Variants in ULK4 observed in about 807,000 individuals in gnomAD.
The protein encoded by ULK4 is unc-51 like kinase 4.
ULK4 carries 133 observed loss-of-function variants against 160.6 expected under a neutral mutation model. The ratio of observed to expected loss-of-function variants is 0.83; its 90% confidence interval spans 0.72 to 0.96. The LOEUF (loss-of-function observed/expected upper bound fraction) is 0.96, where lower values mean the gene tolerates loss of function less well. ULK4 is among the 40% of genes least tolerant of loss of function. The pLI, the probability that ULK4 is intolerant of heterozygous loss-of-function variation, is 0.00. For synonymous variants in ULK4, 534 were observed against 539.8 expected, an observed-to-expected ratio of 0.99 and a Z score of 0.15; for missense variants, 1,580 against 1,499.5, an observed-to-expected ratio of 1.05 and a Z score of -0.89.
intron 30 of ULK4, among the ~76,000 whole-genome samples, chr3:41,627,716 C>G (rs954891271): frequency 2.0e-5 from 3 of 152,108 alleles, no homozygotes; most frequent in African/African-American, 7.3e-5. Context: ...AACAGATATA[C>G]AAACAAATAT....
intron 17 of ULK4, among the ~76,000 whole-genome samples, chr3:41,858,669 G>A (rs1336537275): frequency 7.9e-6 from 1 of 126,984 alleles, no homozygotes; most frequent in Non-Finnish European, 1.6e-5. Flanking sequence ...ATTTTTGTGT[G>A]ATTTTTTTTT....
In ULK4 at chr3:41,602,515, C is replaced by T. The variant is rs532152874; in HGVS notation, c.3120+13154G>A. ...GAATCCTTATTCATGGCAAATATAC[C>T]ACAGCTATGTAAGAACTTAACAATG... On this transcript the variant is annotated intron_variant, in intron 31 of 36. Transcript: ENST00000301831. Among the ~76,000 whole-genome samples, 56 of 152,022 alleles carry T rather than the reference C, an allele frequency of 3.7e-4. 2 individuals carry two copies. Among genetic ancestry groups the T allele is most frequent in the Admixed American group, 3.3e-3 (51 of 15,250 alleles).
At chr3:41,543,561 A>G (rs549333693) in intron 32 of ULK4, among the ~76,000 whole-genome samples, 38 of 152,254 alleles carry the variant, frequency 2.5e-4, no homozygotes, top group African/African-American at 8.9e-4. Flanking sequence ...TTGTAGTCAC[A>G]TCCTTTGTGG....
Position 41,668,401 on chromosome 3 carries a change from T to A in ULK4, c.2979-4702A>T, listed in dbSNP as rs545682770. On this transcript the variant is annotated intron_variant, in intron 29 of 36. Coordinates refer to ENST00000301831, the MANE Select transcript of ULK4 (RefSeq NM_017886.4). ...ATATACAATAGTGATCATATAAAAATTTTTTTCTGTACCTTTTCTGTGTTT... is the reference window on the plus strand; with the variant it reads ...ATATACAATAGTGATCATATAAAAAATTTTTTCTGTACCTTTTCTGTGTTT... Among the ~76,000 whole-genome samples, 39 of 152,322 alleles carry A rather than the reference T, an allele frequency of 2.6e-4. No homozygotes were observed. The South Asian group carries it at 2.9e-3, about 11-fold the overall frequency.
At chr3:41,250,809 A>G (rs1211790020) in intron 35 of ULK4, 2 of 152,236 alleles carry the variant, frequency 1.3e-5, no homozygotes, top group African/African-American at 2.4e-5. Context: ...TGCATCTCGG[A>G]AGAGCTGCAT....
At chr3:41,650,891 G>T (rs1241714658) in intron 30 of ULK4, among the ~76,000 whole-genome samples, 3 of 152,208 alleles carry the variant, frequency 2.0e-5, no homozygotes, top group Non-Finnish European at 4.4e-5. Flanking sequence ...GCACTAGATT[G>T]TTCTCATTAA....
intron 35 of ULK4, among the ~76,000 whole-genome samples, chr3:41,382,531 A>AT (rs2081680799): frequency 1.3e-5 from 2 of 152,202 alleles, no homozygotes; most frequent in Non-Finnish European, 1.5e-5. Flanking sequence ...AAATGAATCT[A>AT]TATTAAGTGG....
chr3:41,263,776 G>A (rs959379833), intron 35 of ULK4, among the ~76,000 whole-genome samples: 5 of 152,166 alleles, frequency 3.3e-5, no homozygotes, highest in African/African-American at 1.2e-4. Flanking sequence ...CACATGAGAT[G>A]CATACACATG....
intron 34 of ULK4, among the ~76,000 whole-genome samples, chr3:41,450,560 T>C (rs1208495660): frequency 6.6e-6 from 1 of 152,216 alleles, no homozygotes; most frequent in African/African-American, 2.4e-5. Context: ...CCTCAAAAGC[T>C]AACAAGTTCA....
At chr3:41,467,026 T>TATA (rs2083852965) in intron 32 of ULK4, among the ~76,000 whole-genome samples, 1 of 152,036 alleles carries the variant, frequency 6.6e-6, no homozygotes, top group Admixed American at 6.6e-5. Flanking sequence ...TATAAATAAT[T>TATA]ATAATCTAAA....
chr3:41,803,331 T>C (rs1299897961), intron 19 of ULK4, among the ~76,000 whole-genome samples: 1 of 152,114 alleles, frequency 6.6e-6, no homozygotes, highest in Non-Finnish European at 1.5e-5. Flanking sequence ...ATTACCAAGT[T>C]AGACCATGTT....
chr3:41,913,263 T>C (rs7648899), intron 8 of ULK4: 7,968 of 153,966 alleles, frequency 0.052, 403 homozygotes, highest in East Asian at 0.16. Flanking sequence ...GCTGGCTCTG[T>C]CACCCAGGCT....
chr3:41,696,023 G>A (rs942671719), intron 27 of ULK4, among the ~76,000 whole-genome samples: 4 of 152,254 alleles, frequency 2.6e-5, no homozygotes, highest in South Asian at 2.1e-4. Context: ...CTGGGAAGAC[G>A]CCCGCTGCCA....
At chr3:41,846,724 G>A (rs1269003714) in intron 17 of ULK4, among the ~76,000 whole-genome samples, 1 of 151,004 alleles carries the variant, frequency 6.6e-6, no homozygotes, top group Admixed American at 6.6e-5. Context: ...AGGATCACTT[G>A]AGCCTGGGAG....
chr3:41,498,758 G>T (rs562922740), intron 32 of ULK4, among the ~76,000 whole-genome samples: 19 of 152,028 alleles, frequency 1.2e-4, no homozygotes, highest in Non-Finnish European at 2.6e-4. Context: ...ATCATGCCCA[G>T]CTAATTTTTT....
intron 32 of ULK4, among the ~76,000 whole-genome samples, chr3:41,496,295 A>C (rs2084986403): frequency 6.6e-6 from 1 of 152,168 alleles, no homozygotes; most frequent in Admixed American, 6.5e-5. Context: ...TGGTACAACT[A>C]GTACCAAACT....
intron 17 of ULK4, among the ~76,000 whole-genome samples, chr3:41,844,355 G>A (rs1051464402): frequency 2.6e-5 from 4 of 152,160 alleles, no homozygotes; most frequent in Admixed American, 1.3e-4. Flanking sequence ...CGAGCGCAGC[G>A]CCGGTGGGCC....
intron 13 of ULK4, among the ~76,000 whole-genome samples, chr3:41,899,493 T>C (rs1294362595): frequency 6.6e-6 from 1 of 152,200 alleles, no homozygotes; most frequent in Non-Finnish European, 1.5e-5. Context: ...CAGAATATTG[T>C]CTAAAGCAAG....
chr3:41,337,931 C>T lies in ULK4; in HGVS notation c.3678+60148G>A, dbSNP rs1426375188. The stretch of plus-strand genomic sequence containing the variant: ...CACTGAAAGCCTTTCTGTCTAGCCT[C>T]GTCTCTGAAAACCAGAGGGAAAGAT... On this transcript the variant is annotated intron_variant, in intron 35 of 36. Coordinates refer to ENST00000301831, the MANE Select transcript of ULK4 (RefSeq NM_017886.4). Among the ~76,000 whole-genome samples, 4 of 152,204 alleles carry T rather than the reference C, an allele frequency of 2.6e-5. No homozygotes were observed. In the East Asian group the frequency reaches 5.8e-4, roughly 22 times the overall value.
Sources: allele counts gnomAD v4.1 joint callset (sites outside exome capture counted in the v4.1 genomes callset), GRCh38; gene constraint gnomAD v4.1.1; transcripts MANE v1.5; gene names NCBI Gene and HGNC (gene_info 2026-07-23, HGNC 2026-07-21).